The following MACROD2 variants were observed in gnomAD, a reference collection of about 807,000 sequenced individuals.
The protein encoded by MACROD2 is ADP-ribose glycohydrolase MACROD2.
MACROD2 carries 36 observed loss-of-function variants against 70.4 expected under a neutral mutation model. The ratio of observed to expected loss-of-function variants is 0.51; its 90% CI spans 0.39 to 0.68. The LOEUF is 0.68. MACROD2 is among the 30% of genes least tolerant of loss of function. MACROD2 has a pLI of 0.00. For synonymous variants in MACROD2, 172 were observed against 178.8 expected (o/e 0.96, Z 0.30); for missense variants, 496 against 538.4 (o/e 0.92, Z 0.78).
chr20:14,810,303 G>A lies in MACROD2; in HGVS notation c.418+125344G>A, dbSNP rs748517442. ...GTTCAACATATGAAAATCAATAAAC[G>A]TAATCCATCACATAAACAGAACCAT... On this transcript the variant is annotated intron_variant, in intron 5 of 17. Coordinates refer to ENST00000684519, the MANE Select transcript of MACROD2 (RefSeq NM_001351661.2). Among the ~76,000 whole-genome samples, 12 of 151,914 alleles carry A rather than the reference G, an allele frequency of 7.9e-5. 1 individual carries two copies. The highest frequency in any genetic ancestry group is 4.1e-4 in the South Asian group (2 of 4,824).
intron 5 of MACROD2, among the ~76,000 whole-genome samples, chr20:15,069,424 G>A (rs977112430): frequency 6.6e-6 from 1 of 152,176 alleles, no homozygotes; most frequent in African/African-American, 2.4e-5. Flanking sequence ...TGACTGAAAG[G>A]GAGCCAAGTG....
At chr20:15,928,748 C>T (rs549200679) in intron 10 of MACROD2, among the ~76,000 whole-genome samples, 4 of 152,204 alleles carry the variant, frequency 2.6e-5, no homozygotes, top group Admixed American at 6.5e-5. Flanking sequence ...TTCTGTTGCT[C>T]ATAGAGCTCT....
intron 4 of MACROD2, 139 bp from the exon 5 acceptor site, chr20:14,684,704 T>G: frequency 2.1e-6 from 1 of 486,170 alleles, no homozygotes. Context: ...GTTTGAAACA[T>G]TGGACACCCT....
chr20:15,443,719 G>T (rs957490195), intron 7 of MACROD2, among the ~76,000 whole-genome samples: 8 of 152,120 alleles, frequency 5.3e-5, no homozygotes, highest in Non-Finnish European at 1.0e-4. Flanking sequence ...AGAGCAGGAT[G>T]CAGAGTAAAT....
At position 14,137,327 on chromosome 20, in the gene MACROD2, G is replaced by A. The variant is rs1012200916; in HGVS notation, c.271+51599G>A. On this transcript the variant is annotated intron_variant, in intron 3 of 17. Coordinates refer to ENST00000684519, the MANE Select transcript of MACROD2 (RefSeq NM_001351661.2). ...TAAGAAAGTCATAAGGACTTATAAG[G>A]AAATGTATTTACTATCCATTAAATG... Among the ~76,000 whole-genome samples, 7 of 152,152 alleles carry A rather than the reference G, an allele frequency of 4.6e-5. No homozygotes were observed. In the South Asian group the frequency reaches 1.2e-3, roughly 27 times the overall value.
intron 6 of MACROD2, among the ~76,000 whole-genome samples, chr20:15,389,186 C>G (rs1568769570): frequency 1.3e-5 from 2 of 151,966 alleles, no homozygotes; most frequent in Non-Finnish European, 2.9e-5. Context: ...CTAGGGTTGC[C>G]AGATTTAGCA....
At chr20:14,951,346 C>T (rs765368180) in intron 5 of MACROD2, among the ~76,000 whole-genome samples, 1 of 152,078 alleles carries the variant, frequency 6.6e-6, no homozygotes, top group Non-Finnish European at 1.5e-5. Context: ...AAGCCAAGTA[C>T]ACAGCAAGAC....
chr20:15,331,001 A>G (rs2077985787), intron 6 of MACROD2, among the ~76,000 whole-genome samples: 1 of 151,626 alleles, frequency 6.6e-6, no homozygotes, highest in Admixed American at 6.6e-5. Flanking sequence ...CGGAGGCAAA[A>G]ATACTTCAGC....
At chr20:15,921,593 C>A (rs1436119489) in intron 10 of MACROD2, among the ~76,000 whole-genome samples, 1 of 152,224 alleles carries the variant, frequency 6.6e-6, no homozygotes, top group Non-Finnish European at 1.5e-5. Flanking sequence ...CAGGGAAGCC[C>A]TCTCCAATAC....
At chr20:14,471,852 A>G (rs1177029244) in intron 3 of MACROD2, among the ~76,000 whole-genome samples, 1 of 152,184 alleles carries the variant, frequency 6.6e-6, no homozygotes, top group Non-Finnish European at 1.5e-5. Flanking sequence ...GAAAATGTAT[A>G]CAAATGGGAC....
intron 8 of MACROD2, among the ~76,000 whole-genome samples, chr20:15,769,115 A>G (rs2051578142): frequency 6.6e-6 from 1 of 152,138 alleles, no homozygotes; most frequent in Admixed American, 6.6e-5. Flanking sequence ...AAATGCATAA[A>G]CCAGTAATGC....
chr20:15,346,753 G>A (rs1306815757), intron 6 of MACROD2, among the ~76,000 whole-genome samples: 1 of 152,174 alleles, frequency 6.6e-6, no homozygotes, highest in Non-Finnish European at 1.5e-5. Context: ...TATACCTTCA[G>A]AGGTTAATAG....
intron 6 of MACROD2, among the ~76,000 whole-genome samples, chr20:15,300,651 A>G (rs1038876129): frequency 6.6e-6 from 1 of 152,152 alleles, no homozygotes; most frequent in African/African-American, 2.4e-5. Flanking sequence ...AATTTTATTA[A>G]ATTCCACTTT....
chr20:15,718,083 C>T (rs959918491), intron 8 of MACROD2, among the ~76,000 whole-genome samples: 4 of 148,068 alleles, frequency 2.7e-5, no homozygotes, highest in Non-Finnish European at 5.9e-5. Context: ...TGCAGTGGTA[C>T]GAATTTCCGG....
intron 8 of MACROD2, among the ~76,000 whole-genome samples, chr20:15,857,520 C>T (rs2064370951): frequency 6.6e-6 from 1 of 152,218 alleles, no homozygotes; most frequent in Non-Finnish European, 1.5e-5. Flanking sequence ...CCATCAAGAA[C>T]TGGAGAAGCT....
chr20:14,532,010 GT>G (rs1390437483), intron 4 of MACROD2, among the ~76,000 whole-genome samples: 1 of 151,970 alleles, frequency 6.6e-6, no homozygotes, highest in African/African-American at 2.4e-5. Flanking sequence ...AATGAGTTTT[GT>G]TTTTTTCTTT....
intron 5 of MACROD2, among the ~76,000 whole-genome samples, chr20:14,992,048 T>G (rs922416008): frequency 6.6e-6 from 1 of 152,166 alleles, no homozygotes; most frequent in African/African-American, 2.4e-5. Flanking sequence ...AACGCATATA[T>G]GTACACATAA....
At chr20:15,193,016 G>T (rs1371042480) in intron 5 of MACROD2, among the ~76,000 whole-genome samples, 1 of 152,124 alleles carries the variant, frequency 6.6e-6, no homozygotes, top group Non-Finnish European at 1.5e-5. Context: ...CTGGTGGCCT[G>T]GTTGAAAGTT....
At chr20:15,746,588 G>T (rs1055450808) in intron 8 of MACROD2, among the ~76,000 whole-genome samples, 24 of 141,900 alleles carry the variant, frequency 1.7e-4, no homozygotes, top group Admixed American at 3.6e-4. Flanking sequence ...AAAAAGAAAC[G>T]GTGAAACTTT....
Sources: gnomAD v4.1 joint callset for allele counts (sites outside exome capture counted in the v4.1 genomes callset) on GRCh38, gnomAD v4.1.1 for gene constraint, MANE v1.5 for transcripts, NCBI Gene and HGNC (gene_info 2026-07-23, HGNC 2026-07-21) for gene names.